Variants in PDE10A observed in about 807,000 individuals in gnomAD.
PDE10A encodes phosphodiesterase 10A.
Under a neutral mutation model 97.7 loss-of-function variants are expected in PDE10A, and 39 were observed. The ratio of observed to expected loss-of-function variants is 0.40; its 90% CI spans 0.31 to 0.52. The LOEUF is 0.52. Among genes scored for constraint, PDE10A ranks in the 20% least tolerant of loss-of-function variants. PDE10A has a pLI of 0.56. For synonymous variants in PDE10A, 371 were observed against 376.8 expected, an observed-to-expected ratio of 0.98 and a Z score of 0.18; for missense variants, 731 against 1,047.8, an observed-to-expected ratio of 0.70 and a Z score of 4.17.
intron 1 of PDE10A, among the ~76,000 whole-genome samples, chr6:165,690,861 C>A (rs1434918549): frequency 6.6e-6 from 1 of 152,132 alleles, no homozygotes; most frequent in African/African-American, 2.4e-5. Context: ...GAGGGTGCTT[C>A]TGGAGAGACT....
Position 165,439,419 on chromosome 6 carries a change from C to T in PDE10A, c.1195-4042G>A, listed in dbSNP as rs1185510200. Among the ~76,000 whole-genome samples, 6 of 152,154 alleles carry T rather than the reference C, an allele frequency of 3.9e-5. No individual in the cohort carries two copies. The South Asian group carries it at 6.2e-4, about 16-fold the overall frequency. The stretch of plus-strand genomic sequence containing the variant: ...TTAAAGTTTCAAACATTAGCCACCT[C>T]TATCATTTCCAAAGAAGAAAGTAAC... On this transcript the variant is annotated intron_variant, in intron 5 of 21. Transcript: ENST00000539869.
intron 1 of PDE10A, among the ~76,000 whole-genome samples, chr6:165,723,872 G>A (rs1395887037): frequency 6.6e-6 from 1 of 151,066 alleles, no homozygotes; most frequent in South Asian, 2.1e-4. Context: ...ATTTTCCCTT[G>A]GGGGTCAGTC....
At chr6:165,621,603 A>C (rs1788137130) in intron 1 of PDE10A, among the ~76,000 whole-genome samples, 1 of 152,154 alleles carries the variant, frequency 6.6e-6, no homozygotes, top group African/African-American at 2.4e-5. Context: ...TAAGAATACA[A>C]AAATTAGCCA....
chr6:165,441,329 C>T (rs1322607205), intron 5 of PDE10A, among the ~76,000 whole-genome samples: 1 of 152,212 alleles, frequency 6.6e-6, no homozygotes, highest in Non-Finnish European at 1.5e-5. Context: ...TCTATCTCCC[C>T]TACTGCTTAT....
intron 1 of PDE10A, among the ~76,000 whole-genome samples, chr6:165,558,429 G>A (rs188332654): frequency 6.6e-6 from 1 of 150,852 alleles, no homozygotes; most frequent in African/African-American, 2.4e-5. Flanking sequence ...ACAGGAAGGG[G>A]AACATCACAC....
intron 1 of PDE10A, among the ~76,000 whole-genome samples, chr6:165,985,492 A>C (rs1184833690): frequency 6.6e-6 from 1 of 151,750 alleles, no homozygotes; most frequent in Non-Finnish European, 1.5e-5. Context: ...ACAGCACATC[A>C]CCCCATTTGC....
upstream of PDE10A, among the ~76,000 whole-genome samples, chr6:165,664,263 C>G (rs1399934474): frequency 6.6e-6 from 1 of 152,150 alleles, no homozygotes; most frequent in East Asian, 1.9e-4. Flanking sequence ...TCGCCCTCCA[C>G]GTTTTCTTCT....
At chr6:165,950,159 T>C (rs1446673331) in intron 1 of PDE10A, among the ~76,000 whole-genome samples, 2 of 152,222 alleles carry the variant, frequency 1.3e-5, no homozygotes, top group Admixed American at 1.3e-4. Flanking sequence ...CTATTTCTTT[T>C]ATATATTTTA....
At chr6:165,643,183 A>ATGGGTGGATGCATAGGTAGG (rs1291087882) in intron 1 of PDE10A, among the ~76,000 whole-genome samples, 2 of 148,344 alleles carry the variant, frequency 1.3e-5, no homozygotes, top group Non-Finnish European at 3.0e-5. Context: ...GGGTAGATGT[A>ATGGGTGGATGCATAGGTAGG]TGGGTGGATG....
rs780780055 is a variant in PDE10A at position 165,556,923 on chromosome 6, T to C, written c.866-13355A>G. Among the ~76,000 whole-genome samples, 67 of 152,134 alleles carry C rather than the reference T, an allele frequency of 4.4e-4. 1 individual carries two copies. The highest frequency in any genetic ancestry group is 2.2e-4 in the Non-Finnish European group (15 of 68,022). ...GGGAGGCTGAGGCAGGTGGATCACC[T>C]GAGGTCAGGAGTTCGACACCAGCCT... is the stretch of plus-strand genomic sequence containing the variant. On this transcript the variant is annotated intron_variant, in intron 1 of 21. Coordinates refer to ENST00000539869, the MANE Select transcript of PDE10A (RefSeq NM_001385079.1).
chr6:165,366,198 A>G (rs1003791055), intron 18 of PDE10A, among the ~76,000 whole-genome samples: 2 of 152,216 alleles, frequency 1.3e-5, no homozygotes, highest in Non-Finnish European at 2.9e-5. Flanking sequence ...CATGTCTATT[A>G]AAGTCATGCA....
At chr6:165,939,237 T>C (rs769842642) in intron 1 of PDE10A, among the ~76,000 whole-genome samples, 21 of 152,224 alleles carry the variant, frequency 1.4e-4, no homozygotes, top group Non-Finnish European at 2.4e-4. Flanking sequence ...CCTCTTGTTC[T>C]TGCGTTCAGA....
At chr6:165,834,219 G>A (rs141182970) in intron 1 of PDE10A, among the ~76,000 whole-genome samples, 2 of 152,358 alleles carry the variant, frequency 1.3e-5, no homozygotes, top group East Asian at 3.9e-4. Flanking sequence ...GTACCCAGGT[G>A]ACACTCAGGT....
upstream of PDE10A, among the ~76,000 whole-genome samples, chr6:165,666,246 C>T (rs560670363): frequency 2.2e-4 from 33 of 152,270 alleles, no homozygotes; most frequent in South Asian, 6.8e-3. Flanking sequence ...TTGTAAATTT[C>T]ACATCATTGA....
intron 1 of PDE10A, among the ~76,000 whole-genome samples, chr6:165,986,757 A>C (rs1423621120): frequency 1.4e-5 from 2 of 138,922 alleles, no homozygotes; most frequent in Admixed American, 1.4e-4. Context: ...GTGGTGTCTT[A>C]TGGTTGGGCT....
intron 1 of PDE10A, among the ~76,000 whole-genome samples, chr6:165,868,771 C>T (rs749969585): frequency 2.6e-5 from 4 of 151,950 alleles, no homozygotes; most frequent in Non-Finnish European, 4.4e-5. Context: ...AAATCCTCAA[C>T]GATGTAATAG....
chr6:165,815,668 T>C (rs1209278552), intron 1 of PDE10A, among the ~76,000 whole-genome samples: 1 of 152,134 alleles, frequency 6.6e-6, no homozygotes, highest in African/African-American at 2.4e-5. Flanking sequence ...CATCTCTTTT[T>C]TTCTGGTTTT....
At chr6:165,612,657 C>T (rs1397404520) in intron 1 of PDE10A, among the ~76,000 whole-genome samples, 1 of 152,218 alleles carries the variant, frequency 6.6e-6, no homozygotes, top group African/African-American at 2.4e-5. Context: ...GCGTGAGCCA[C>T]TGCGCCCAGC....
At chr6:165,948,776 A>T (rs1393136030) in intron 1 of PDE10A, 2 of 152,442 alleles carry the variant, frequency 1.3e-5, no homozygotes, top group African/African-American at 2.4e-5. Context: ...CAAGCTGCAG[A>T]GGGGACTTCC....
Sources: gnomAD v4.1 joint callset for allele counts (sites outside exome capture counted in the v4.1 genomes callset) on GRCh38, gnomAD v4.1.1 for gene constraint, MANE v1.5 for transcripts, NCBI Gene and HGNC (gene_info 2026-07-23, HGNC 2026-07-21) for gene names.